The following MYO3B variants were observed in gnomAD, a reference collection of about 807,000 sequenced individuals.
The protein encoded by MYO3B is myosin IIIB, also known as myosin-IIIb.
MYO3B carries 156 observed loss-of-function variants against 174.6 expected under a neutral mutation model. That is an observed-to-expected ratio of 0.89 (90% CI 0.78 to 1.02). The LOEUF (loss-of-function observed/expected upper bound fraction) is 1.02, where lower values mean the gene tolerates loss of function less well. MYO3B is among the 50% of genes least tolerant of loss of function. The pLI, the probability that MYO3B is intolerant of heterozygous loss-of-function variation, is 0.00. For synonymous variants in MYO3B, 563 were observed against 569.1 expected, an observed-to-expected ratio of 0.99 and a Z score of 0.15; for missense variants, 1,632 against 1,639.4, an observed-to-expected ratio of 1.00 and a Z score of 0.08.
intron 28 of MYO3B, among the ~76,000 whole-genome samples, chr2:170,502,466 A>G (rs1224547112): frequency 5.3e-5 from 8 of 152,228 alleles, no homozygotes; most frequent in Non-Finnish European, 1.2e-4. Context: ...GCCCCATGGC[A>G]TGAGCACATG....
intron 7 of MYO3B, among the ~76,000 whole-genome samples, chr2:170,318,874 G>C (rs937977947): frequency 6.6e-6 from 1 of 152,178 alleles, no homozygotes; most frequent in African/African-American, 2.4e-5. Flanking sequence ...ATTAGCCCTA[G>C]TGGTGTGACC....
At chr2:170,384,290 T>A (rs1329902305) in intron 12 of MYO3B, among the ~76,000 whole-genome samples, 3 of 152,168 alleles carry the variant, frequency 2.0e-5, no homozygotes, top group East Asian at 3.8e-4. Flanking sequence ...TGTGATAGAT[T>A]GGGTAGAGAA....
chr2:170,632,027 C>G (rs187190945), intron 32 of MYO3B, among the ~76,000 whole-genome samples: 2 of 151,896 alleles, frequency 1.3e-5, no homozygotes, highest in Admixed American at 6.6e-5. Context: ...GACTCCCACA[C>G]AATAATAGTG....
intron 1 of MYO3B, among the ~76,000 whole-genome samples, chr2:170,179,368 A>G (rs1021775156): frequency 1.3e-5 from 2 of 152,174 alleles, no homozygotes; most frequent in Middle Eastern, 3.2e-3. Context: ...TTTGTGAAGA[A>G]GCCAGTTCCT....
intron 7 of MYO3B, among the ~76,000 whole-genome samples, chr2:170,303,411 A>T (rs991043919): frequency 1.3e-5 from 2 of 152,174 alleles, no homozygotes; most frequent in African/African-American, 2.4e-5. Flanking sequence ...GGTGTAAAAA[A>T]TGGTATTTCA....
At chr2:170,620,680 G>T (rs779593437) in intron 32 of MYO3B, among the ~76,000 whole-genome samples, 13 of 152,198 alleles carry the variant, frequency 8.5e-5, no homozygotes, top group African/African-American at 2.9e-4. Context: ...AAAATGGCCC[G>T]GGTAGATCTG....
At chr2:170,266,587 A>G (rs1290026723) in intron 7 of MYO3B, among the ~76,000 whole-genome samples, 2 of 152,196 alleles carry the variant, frequency 1.3e-5, no homozygotes, top group East Asian at 3.9e-4. Context: ...TGTCAAGCAG[A>G]GAAGTACAAG....
At chr2:170,366,761 T>C (rs1393134520) in intron 8 of MYO3B, among the ~76,000 whole-genome samples, 1 of 152,168 alleles carries the variant, frequency 6.6e-6, no homozygotes, top group African/African-American at 2.4e-5. Flanking sequence ...AGGGACCCTC[T>C]CTAACATATC....
chr2:170,329,178 A>C (rs572777550), intron 7 of MYO3B, among the ~76,000 whole-genome samples: 6 of 152,054 alleles, frequency 3.9e-5, no homozygotes, highest in East Asian at 1.9e-4. Flanking sequence ...ACTACTACTA[A>C]TAATATATTG....
At chr2:170,209,739 T>C (rs1326112386) in intron 3 of MYO3B, among the ~76,000 whole-genome samples, 2 of 152,182 alleles carry the variant, frequency 1.3e-5, no homozygotes, top group Non-Finnish European at 2.9e-5. Context: ...AGAAGTCTGG[T>C]TTACAATAAC....
intron 3 of MYO3B, among the ~76,000 whole-genome samples, chr2:170,211,887 T>G (rs2092774052): frequency 6.6e-6 from 1 of 151,822 alleles, no homozygotes; most frequent in Non-Finnish European, 1.5e-5. Context: ...AATTAAAACT[T>G]TACAGAAAAT....
chr2:170,408,760 G>GGAAAA (rs71399533), intron 22 of MYO3B, among the ~76,000 whole-genome samples: 1 of 144,568 alleles, frequency 6.9e-6, no homozygotes, highest in Admixed American at 6.9e-5. Context: ...GCCTGGCTAA[G>GGAAAA]AAAAAAAAAA....
In MYO3B at chr2:170,540,359, G is replaced by T. The variant is rs2106197217; in HGVS notation, c.3576-2547G>T. ...GAACCAATCCACATGGCTGTCAGCAGTATGTAACATGCTTTGCCTGGTGCC... is the reference window on the plus strand; with the variant it reads ...GAACCAATCCACATGGCTGTCAGCATTATGTAACATGCTTTGCCTGGTGCC... On this transcript the variant is annotated intron_variant, in intron 30 of 34. Transcript: ENST00000408978. Among the ~76,000 whole-genome samples, 2 of 152,208 alleles carry T rather than the reference G, an allele frequency of 1.3e-5. 1 individual carries two copies. The highest frequency in any genetic ancestry group is 4.2e-4 in the South Asian group (2 of 4,808).
intron 32 of MYO3B, among the ~76,000 whole-genome samples, chr2:170,611,030 C>T (rs1234803791): frequency 2.0e-5 from 3 of 152,232 alleles, no homozygotes; most frequent in African/African-American, 4.8e-5. Context: ...CTGTTCTTTT[C>T]GGGAAGCAAG....
intron 29 of MYO3B, among the ~76,000 whole-genome samples, chr2:170,519,050 C>T (rs1168364764): frequency 2.0e-5 from 3 of 152,174 alleles, no homozygotes; most frequent in Non-Finnish European, 2.9e-5. Flanking sequence ...GCCCTATCCA[C>T]ATCAGCAAGC....
intron 22 of MYO3B, among the ~76,000 whole-genome samples, chr2:170,416,818 G>GTTTTTTTTTTTTTTTTTTTT (rs552594236): frequency 4.3e-5 from 5 of 116,122 alleles, no homozygotes; most frequent in South Asian, 2.8e-4. Context: ...TTTTTCTGTT[G>GTTTTTTTTTTTTTTTTTTTT]TTTTTTTTTT....
At chr2:170,255,013 TA>T (rs532184120) in intron 7 of MYO3B, among the ~76,000 whole-genome samples, 19 of 152,264 alleles carry the variant, frequency 1.2e-4, no homozygotes, top group African/African-American at 4.1e-4. Flanking sequence ...TCTGCTGGGA[TA>T]AAAGCCCCAG....
chr2:170,568,455 G>A (rs181797963), intron 32 of MYO3B, among the ~76,000 whole-genome samples: 6 of 152,318 alleles, frequency 3.9e-5, no homozygotes, highest in East Asian at 1.9e-4. Flanking sequence ...CATATGGAGC[G>A]TTTGATTTTG....
At chr2:170,395,067 C>T (rs758441046) in intron 16 of MYO3B, among the ~76,000 whole-genome samples, 9 of 152,260 alleles carry the variant, frequency 5.9e-5, no homozygotes, top group Non-Finnish European at 1.0e-4. Context: ...GAGTAGCAAA[C>T]TTTAGTGTGG....
Sources: gnomAD v4.1 joint callset for allele counts (sites outside exome capture counted in the v4.1 genomes callset) on GRCh38, gnomAD v4.1.1 for gene constraint, MANE v1.5 for transcripts, NCBI Gene and HGNC (gene_info 2026-07-23, HGNC 2026-07-21) for gene names.